WDR72: variants seen among roughly 807,000 people sequenced by gnomAD.
The protein encoded by WDR72 is WD repeat domain 72.
Under a neutral mutation model 124.2 loss-of-function variants are expected in WDR72, and 120 were observed. That is an observed-to-expected ratio of 0.97 (90% CI 0.83 to 1.12). The LOEUF is 1.12. Among genes scored for constraint, WDR72 ranks in the 50% most tolerant of loss-of-function variants. WDR72 has a pLI of 0.00. For synonymous variants in WDR72, 452 were observed against 441.7 expected, an observed-to-expected ratio of 1.02 and a Z score of -0.29; for missense variants, 1,387 against 1,278.8, an observed-to-expected ratio of 1.08 and a Z score of -1.29.
chr15:53,603,990 C>T (rs1325011587), intron 17 of WDR72, among the ~76,000 whole-genome samples: 1 of 152,082 alleles, frequency 6.6e-6, no homozygotes, highest in East Asian at 1.9e-4. Flanking sequence ...TCTTAAAATT[C>T]ATATGGAACC....
At chr15:53,716,320 A>G (rs2140560907) in intron 4 of WDR72, among the ~76,000 whole-genome samples, 1 of 152,334 alleles carries the variant, frequency 6.6e-6, no homozygotes, top group Non-Finnish European at 1.5e-5. Context: ...ATGTACAAGT[A>G]TGTGTATGTT....
intron 12 of WDR72, among the ~76,000 whole-genome samples, chr15:53,701,723 C>T (rs191030884): frequency 5.3e-4 from 81 of 152,016 alleles, no homozygotes; most frequent in Admixed American, 1.4e-3. Flanking sequence ...TTATTGAAGG[C>T]AAAAGTTAAT....
intron 2 of WDR72, among the ~76,000 whole-genome samples, chr15:53,726,044 C>G (rs999626991): frequency 6.6e-6 from 1 of 150,466 alleles, no homozygotes; most frequent in African/African-American, 2.4e-5. Context: ...TGCACTACAG[C>G]CTGGGTGACA....
At position 53,711,358 on chromosome 15, in the gene WDR72, A is replaced by G; in HGVS notation, c.835T>C (p.Tyr279His). 1 of 1,614,168 alleles carries G rather than the reference A, an allele frequency of 6.2e-7. No homozygotes were observed. The highest frequency in any genetic ancestry group is 8.5e-7 in the Non-Finnish European group (1 of 1,180,030). The change falls in exon 8 of 20, where the codon TAC (tyrosine) becomes CAC (histidine). Residue 279 changes from tyrosine (Y) to histidine (H), a missense_variant. Coordinates refer to ENST00000360509, the MANE Select transcript of WDR72 (RefSeq NM_182758.4). The part of the protein sequence containing the change: ...ILIWTEDGHS[Y>H]IYQLLNSGLS... The stretch of plus-strand genomic sequence containing the variant: ...CACCTGTTCAGCAGCTGATAGATGT[A>G]ACTGTGACCATCTTCTGTCCAGATG...
At chr15:53,626,064 T>C (rs563632131) in intron 14 of WDR72, among the ~76,000 whole-genome samples, 32 of 152,256 alleles carry the variant, frequency 2.1e-4, no homozygotes, top group African/African-American at 2.4e-4. Context: ...GTGAAAAAAT[T>C]TGACCTGCCC....
chr15:53,651,724 C>A (rs2015247723), intron 14 of WDR72, among the ~76,000 whole-genome samples: 2 of 152,214 alleles, frequency 1.3e-5, no homozygotes, highest in South Asian at 4.1e-4. Flanking sequence ...GAGATCTCAG[C>A]TCACTGCAAC....
At chr15:53,672,465 C>A (rs918880487) in intron 13 of WDR72, among the ~76,000 whole-genome samples, 1 of 152,140 alleles carries the variant, frequency 6.6e-6, no homozygotes, top group African/African-American at 2.4e-5. Flanking sequence ...CTCTTGTAAA[C>A]CCATTAGGAT....
At position 53,552,941 on chromosome 15, in the gene WDR72, C is replaced by A. The variant is rs1357652571; in HGVS notation, c.3149-29619G>T. On this transcript the variant is annotated intron_variant, in intron 18 of 19. Transcript: ENST00000360509. ...GGAGCTCTATAGGAAGCGGTGGAAT[C>A]CCAAAGGTGGGTTGAAAGGTTCAAA... Among the ~76,000 whole-genome samples, 3 of 152,028 alleles carry A rather than the reference C, an allele frequency of 2.0e-5. No homozygotes were observed. In the South Asian group the frequency reaches 6.2e-4, roughly 32 times the overall value.
intron 18 of WDR72, among the ~76,000 whole-genome samples, chr15:53,570,536 A>G (rs1894482447): frequency 6.6e-6 from 1 of 152,168 alleles, no homozygotes; most frequent in African/African-American, 2.4e-5. Flanking sequence ...ACAGTGAGAT[A>G]CTGTCTCATA....
At chr15:53,539,453 A>G (rs1892950009) in intron 18 of WDR72, among the ~76,000 whole-genome samples, 1 of 152,114 alleles carries the variant, frequency 6.6e-6, no homozygotes. Flanking sequence ...CTGAGTAATT[A>G]CATAGTAATA....
chr15:53,691,299 C>T (rs1383075463), intron 13 of WDR72, among the ~76,000 whole-genome samples: 1 of 152,158 alleles, frequency 6.6e-6, no homozygotes, highest in African/African-American at 2.4e-5. Context: ...GATCCTCCTA[C>T]CTTAGCCTCC....
intron 14 of WDR72, among the ~76,000 whole-genome samples, chr15:53,616,653 TG>T (rs2013780328): frequency 6.6e-6 from 1 of 151,910 alleles, no homozygotes; most frequent in African/African-American, 2.4e-5. Flanking sequence ...TTAACAAAAA[TG>T]GTGCTTCCAA....
At chr15:53,573,101 T>C (rs895599548) in intron 18 of WDR72, among the ~76,000 whole-genome samples, 13 of 152,320 alleles carry the variant, frequency 8.5e-5, no homozygotes, top group South Asian at 6.2e-4. Context: ...ATAGCAAATA[T>C]TGTGTTAAAA....
At chr15:53,762,664 C>G (rs1480508484), upstream of WDR72, 1 of 152,226 alleles carries the variant, frequency 6.6e-6, no homozygotes, top group Non-Finnish European at 1.5e-5. Context: ...TTGAGCAGAG[C>G]CTTCTCCATA....
intron 13 of WDR72, among the ~76,000 whole-genome samples, chr15:53,673,677 A>G (rs1440046996): frequency 6.6e-6 from 1 of 152,194 alleles, no homozygotes; most frequent in Admixed American, 6.5e-5. Flanking sequence ...TGGAAAAAGC[A>G]TATATATTTC....
At chr15:53,704,737 T>G (rs1325036096) in intron 11 of WDR72, among the ~76,000 whole-genome samples, 1 of 146,832 alleles carries the variant, frequency 6.8e-6, no homozygotes, top group African/African-American at 2.5e-5. Flanking sequence ...TTTCACCGTG[T>G]TAGCCAGGAT....
At chr15:53,651,354 C>A (rs1037651268) in intron 14 of WDR72, among the ~76,000 whole-genome samples, 2 of 152,178 alleles carry the variant, frequency 1.3e-5, no homozygotes, top group Admixed American at 1.3e-4. Flanking sequence ...CCCTGCAGAG[C>A]CTTTATCATT....
At chr15:53,607,718 A>G (rs1486468271) in intron 17 of WDR72, among the ~76,000 whole-genome samples, 3 of 152,068 alleles carry the variant, frequency 2.0e-5, no homozygotes, top group African/African-American at 7.2e-5. Flanking sequence ...AAAACAAGAG[A>G]CGATCCACAG....
chr15:53,679,496 T>C (rs1208705191), intron 13 of WDR72, among the ~76,000 whole-genome samples: 8 of 152,048 alleles, frequency 5.3e-5, no homozygotes, highest in Non-Finnish European at 4.4e-5. Context: ...AGAGGGACCA[T>C]TGGCCATCAG....
Sources: gnomAD v4.1 joint callset for allele counts (sites outside exome capture counted in the v4.1 genomes callset) on GRCh38, gnomAD v4.1.1 for gene constraint, MANE v1.5 for transcripts, NCBI Gene and HGNC (gene_info 2026-07-23, HGNC 2026-07-21) for gene names.